ABCA13: variants seen among roughly 807,000 people sequenced by gnomAD.
The protein encoded by ABCA13 is ATP binding cassette subfamily A member 13, also known as ATP-binding cassette sub-family A member 13.
A neutral mutation model predicts 478.7 loss-of-function variants in ABCA13; 476 were observed. That is an observed-to-expected ratio of 0.99 (90% CI 0.92 to 1.07). The LOEUF (loss-of-function observed/expected upper bound fraction) is 1.07. ABCA13 is among the 50% of genes least tolerant of loss of function. The probability of loss-of-function intolerance (pLI) is 0.00; values close to 1 mark genes in which losing one functional copy is unlikely to be tolerated. For missense variants in ABCA13, 6,060 were observed against 5,910.6 expected, an observed-to-expected ratio of 1.03 and a Z score of -0.83; for synonymous variants, 2,252 against 2,158.9, an observed-to-expected ratio of 1.04 and a Z score of -1.20.
intron 58 of ABCA13, among the ~76,000 whole-genome samples, chr7:48,603,482 A>G (rs1299312066): frequency 2.0e-5 from 3 of 152,132 alleles, no homozygotes; most frequent in Non-Finnish European, 2.9e-5. Context: ...ATCTATTGAG[A>G]TAATCATGTG....
chr7:48,478,106 G>GATTT (rs952273791), intron 45 of ABCA13, among the ~76,000 whole-genome samples: 1 of 150,522 alleles, frequency 6.6e-6, no homozygotes, highest in Non-Finnish European at 1.5e-5. Context: ...AAGGTTGGCT[G>GATTT]ATTTATTTAT....
At chr7:48,269,525 G>A (rs1349891125) in intron 16 of ABCA13, among the ~76,000 whole-genome samples, 1 of 152,166 alleles carries the variant, frequency 6.6e-6, no homozygotes, top group Non-Finnish European at 1.5e-5. Flanking sequence ...ATTTTCTGCT[G>A]TCCTATTTCA....
chr7:48,198,424 G>A (rs1340683924), intron 3 of ABCA13, 64 bp downstream of exon 3: 2 of 1,572,626 alleles, frequency 1.3e-6, no homozygotes, highest in Non-Finnish European at 1.7e-6. Context: ...ACAGGCTTCT[G>A]CTTTTTGTAA....
intron 56 of ABCA13, among the ~76,000 whole-genome samples, chr7:48,585,880 CAA>C (rs1357293315): frequency 6.6e-6 from 1 of 151,730 alleles, no homozygotes; most frequent in African/African-American, 2.4e-5. Context: ...AAGTTGGAAA[CAA>C]AAAAATTGCT....
rs560849896 is a variant in ABCA13, at chr7:48,376,672, A to G, written c.11335+100A>G. ...AATAATCACTTATTCTTTAAGGAAG[A>G]TCCAGAAAGGGAAGTCTTAGGATAT... On this transcript the variant is annotated intron_variant, in intron 35 of 61. Transcript: ENST00000435803. 302 of 1,324,310 alleles carry G rather than the reference A, an allele frequency of 2.3e-4. No homozygotes were observed. The African/African-American group carries it at 4.1e-3, about 18-fold the overall frequency. The allele number at this position is 1,324,310 out of a possible 1,614,324, so 82.0% of individuals were successfully genotyped here. A position where few individuals can be genotyped will look rare whatever the true frequency, so the allele number is the denominator to read the frequency against.
chr7:48,628,319 G>A (rs908864579), intron 59 of ABCA13, among the ~76,000 whole-genome samples: 59 of 152,316 alleles, frequency 3.9e-4, no homozygotes, highest in African/African-American at 1.3e-3. Context: ...AAGAAGAGAT[G>A]TCCACAATGT....
intron 55 of ABCA13, among the ~76,000 whole-genome samples, chr7:48,533,681 A>G (rs1311849958): frequency 6.6e-6 from 1 of 151,892 alleles, no homozygotes; most frequent in African/African-American, 2.4e-5. Context: ...CTCCATTGTT[A>G]GGTGCATATA....
chr7:48,445,979 G>A (rs1163322097), intron 42 of ABCA13, among the ~76,000 whole-genome samples: 5 of 152,042 alleles, frequency 3.3e-5, no homozygotes, highest in South Asian at 4.2e-4. Flanking sequence ...TGGCCTTTGC[G>A]GGCTCTGTCC....
chr7:48,346,213 G>A (rs1808074832), intron 29 of ABCA13, among the ~76,000 whole-genome samples: 1 of 152,098 alleles, frequency 6.6e-6, no homozygotes, highest in South Asian at 2.1e-4. Flanking sequence ...ATGGCTGTAA[G>A]ATGTACCTAT....
At chr7:48,511,243 T>C (rs1378905185) in intron 51 of ABCA13, 44 bp downstream of exon 51, 2 of 1,521,304 alleles carry the variant, frequency 1.3e-6, no homozygotes, top group Admixed American at 3.7e-5. Context: ...GTTTGTTTTC[T>C]GAAAGAGAAA....
At chr7:48,413,165 G>A (rs1461906910) in intron 41 of ABCA13, among the ~76,000 whole-genome samples, 1 of 152,098 alleles carries the variant, frequency 6.6e-6, no homozygotes, top group African/African-American at 2.4e-5. Flanking sequence ...AGAATCATGA[G>A]GTGTTTAAAC....
At chr7:48,606,734 C>T (rs34134000) in intron 58 of ABCA13, among the ~76,000 whole-genome samples, 7 of 152,304 alleles carry the variant, frequency 4.6e-5, no homozygotes, top group South Asian at 2.1e-4. Context: ...TATCGGAGCT[C>T]GAACACTGTG....
intron 20 of ABCA13, among the ~76,000 whole-genome samples, chr7:48,294,860 A>G (rs1356227439): frequency 6.6e-6 from 1 of 152,196 alleles, no homozygotes; most frequent in Non-Finnish European, 1.5e-5. Flanking sequence ...GGGTTCATCC[A>G]TGTTGCTGCC....
At chr7:48,504,453 T>A (rs1831030230) in intron 48 of ABCA13, among the ~76,000 whole-genome samples, 1 of 151,976 alleles carries the variant, frequency 6.6e-6, no homozygotes. Flanking sequence ...CTTGGATGTG[T>A]GGGGTGAAGA....
intron 45 of ABCA13, among the ~76,000 whole-genome samples, chr7:48,479,721 AAGTG>A (rs1361960237): frequency 6.6e-6 from 1 of 152,218 alleles, no homozygotes; most frequent in African/African-American, 2.4e-5. Context: ...TTCCACAAAT[AAGTG>A]AGAGTCTTGC....
chr7:48,577,909 G>C (rs1027671719), intron 55 of ABCA13, among the ~76,000 whole-genome samples: 1 of 152,100 alleles, frequency 6.6e-6, no homozygotes, highest in Non-Finnish European at 1.5e-5. Context: ...GATAGGCAAG[G>C]TTCGTTCAAT....
chr7:48,611,765 C>A (rs1038833563), intron 58 of ABCA13, among the ~76,000 whole-genome samples: 5 of 152,056 alleles, frequency 3.3e-5, no homozygotes, highest in Non-Finnish European at 5.9e-5. Flanking sequence ...GTGGGGACAC[C>A]AACACAAACC....
intron 54 of ABCA13, 134 bp from the exon 55 acceptor site, chr7:48,528,102 C>G: frequency 1.5e-6 from 1 of 689,108 alleles, no homozygotes; most frequent in African/African-American, 1.8e-5. Flanking sequence ...ATAAATAACA[C>G]AAACCAGCAA....
intron 48 of ABCA13, among the ~76,000 whole-genome samples, chr7:48,503,688 C>A (rs1830952056): frequency 6.6e-6 from 1 of 152,212 alleles, no homozygotes; most frequent in Non-Finnish European, 1.5e-5. Flanking sequence ...TGTATCCACT[C>A]ATTTATCAAC....
Sources: gnomAD v4.1 joint callset for allele counts (sites outside exome capture counted in the v4.1 genomes callset) on GRCh38, gnomAD v4.1.1 for gene constraint, MANE v1.5 for transcripts, NCBI Gene and HGNC (gene_info 2026-07-23, HGNC 2026-07-21) for gene names.